The following CCSER1 variants were observed in gnomAD, a reference collection of about 807,000 sequenced individuals.
CCSER1 encodes the protein coiled-coil serine rich protein 1.
A neutral mutation model predicts 82.0 loss-of-function variants in CCSER1; 41 were observed. That is an observed-to-expected ratio of 0.50 (90% CI 0.39 to 0.65). The LOEUF (loss-of-function observed/expected upper bound fraction) is 0.65, where lower values mean the gene tolerates loss of function less well. CCSER1 is among the 30% of genes least tolerant of loss of function. The pLI is 0.00. For missense variants in CCSER1, 1,119 were observed against 1,064.2 expected, an observed-to-expected ratio of 1.05 and a Z score of -0.72; for synonymous variants, 414 against 383.9, an observed-to-expected ratio of 1.08 and a Z score of -0.92.
intron 3 of CCSER1, among the ~76,000 whole-genome samples, chr4:90,348,871 A>C (rs770278492): frequency 2.0e-5 from 3 of 152,142 alleles, no homozygotes; most frequent in Non-Finnish European, 4.4e-5. Context: ...CATTTTAACT[A>C]TCTGGAATGT....
chr4:90,449,942 G>T (rs918612963), intron 4 of CCSER1, among the ~76,000 whole-genome samples: 1 of 152,196 alleles, frequency 6.6e-6, no homozygotes, highest in African/African-American at 2.4e-5. Context: ...TCCATGGAGT[G>T]TACAGCCCTG....
chr4:90,223,029 A>G (rs1169296530), intron 1 of CCSER1, among the ~76,000 whole-genome samples: 1 of 152,198 alleles, frequency 6.6e-6, no homozygotes, highest in Non-Finnish European at 1.5e-5. Context: ...TCACGCATCC[A>G]TCACCACAGT....
intron 10 of CCSER1, among the ~76,000 whole-genome samples, chr4:91,297,433 CAG>C (rs1744304263): frequency 7.7e-6 from 1 of 130,146 alleles, no homozygotes; most frequent in Non-Finnish European, 1.7e-5. Flanking sequence ...GTTAGGGAGA[CAG>C]ATGTGGATAA....
At chr4:91,310,046 C>T (rs1231359294) in intron 10 of CCSER1, among the ~76,000 whole-genome samples, 1 of 151,918 alleles carries the variant, frequency 6.6e-6, no homozygotes, top group Non-Finnish European at 1.5e-5. Context: ...TTCCAATCCT[C>T]ACAATCTCCT....
rs192578909 is a variant in CCSER1, at chr4:91,535,887, G to A, written c.2218-62685G>A. 2.2e-3 allele frequency among the ~76,000 whole-genome samples: 342 copies of A among 152,118 alleles called. 1 individual carries two copies. The highest frequency in any genetic ancestry group is 0.014 in the Middle Eastern group (4 of 294). ...TACAGGGTACTTATAAAGTAAGCAA[G>A]ACCACATTAATCTAAAAGCATACTT... On this transcript the variant is annotated intron_variant, in intron 10 of 10. Coordinates refer to ENST00000509176, the MANE Select transcript of CCSER1 (RefSeq NM_001145065.2).
chr4:91,598,978 T>C lies in CCSER1; in HGVS notation c.2624T>C (p.Met875Thr), dbSNP rs1406277358. 1 of 1,551,410 alleles carries C rather than the reference T, an allele frequency of 6.4e-7. No individual in the cohort carries two copies. Among genetic ancestry groups the C allele is most frequent in the Non-Finnish European group, 8.7e-7 (1 of 1,146,904 alleles). ...QPPRGPISLH[M>T]YSRKNVFLHH... ...CCCAGAGGGCCAATCTCTTTACACA[T>C]GTACAGCAGGAAGAATGTGTTTCTC... is the stretch of plus-strand genomic sequence containing the variant. The change falls in exon 11 of 11, where the codon ATG becomes ACG. Residue 875 changes from methionine (M) to threonine (T), a missense_variant. Met to Thr is a moderately conservative substitution (Grantham distance 81, BLOSUM62 -1). Transcript: ENST00000509176.
chr4:90,619,805 A>G (rs1327023925), intron 5 of CCSER1, among the ~76,000 whole-genome samples: 3 of 152,068 alleles, frequency 2.0e-5, no homozygotes, highest in Non-Finnish European at 4.4e-5. Flanking sequence ...TTTTTTGTTC[A>G]ACCTGATTGT....
At chr4:90,766,988 G>A (rs1035702411) in intron 7 of CCSER1, among the ~76,000 whole-genome samples, 1 of 152,024 alleles carries the variant, frequency 6.6e-6, no homozygotes, top group African/African-American at 2.4e-5. Context: ...CCTGTCTTAT[G>A]TGAATGTACT....
At chr4:91,316,169 G>T (rs1445699552) in intron 10 of CCSER1, among the ~76,000 whole-genome samples, 1 of 151,900 alleles carries the variant, frequency 6.6e-6, no homozygotes, top group Non-Finnish European at 1.5e-5. Context: ...AAGTGTGAGT[G>T]CATTAAATAT....
intron 1 of CCSER1, among the ~76,000 whole-genome samples, chr4:90,303,458 G>A (rs917804683): frequency 6.6e-6 from 1 of 152,040 alleles, no homozygotes; most frequent in Non-Finnish European, 1.5e-5. Flanking sequence ...CACAGATATA[G>A]ATCAATGGAA....
At chr4:90,217,099 G>A (rs867536723) in intron 1 of CCSER1, among the ~76,000 whole-genome samples, 2 of 152,154 alleles carry the variant, frequency 1.3e-5, no homozygotes, top group East Asian at 3.9e-4. Flanking sequence ...TTGGTGTATA[G>A]CAGTGCTACT....
At chr4:91,194,294 A>G (rs1384268531) in intron 10 of CCSER1, among the ~76,000 whole-genome samples, 1 of 152,198 alleles carries the variant, frequency 6.6e-6, no homozygotes, top group Non-Finnish European at 1.5e-5. Context: ...CTCTAAATCA[A>G]TTTATACAGT....
At chr4:91,216,513 G>C (rs1431119492) in intron 10 of CCSER1, among the ~76,000 whole-genome samples, 1 of 151,982 alleles carries the variant, frequency 6.6e-6, no homozygotes, top group East Asian at 1.9e-4. Context: ...GTAGAGACGG[G>C]GTTTCACCGT....
rs1729443489 is a variant in CCSER1, at chr4:91,145,414, C to T, written c.2217+59420C>T. The stretch of plus-strand genomic sequence containing the variant: ...AGGTCTTGTTTTCTTTCCAGCTTGT[C>T]ACTCTGCCTTTTAAGTAGGGTGTTT... On this transcript the variant is annotated intron_variant, in intron 10 of 10. Transcript: ENST00000509176. 2.0e-5 allele frequency among the ~76,000 whole-genome samples: 3 copies of T among 152,224 alleles called. No homozygotes were observed. In the South Asian group the frequency reaches 6.2e-4, roughly 32 times the overall value.
chr4:91,563,818 T>TTTAGATTG (rs1278425940), intron 10 of CCSER1, among the ~76,000 whole-genome samples: 4 of 151,756 alleles, frequency 2.6e-5, no homozygotes, highest in African/African-American at 9.7e-5. Context: ...ACCAAAAACC[T>TTTAGATTG]GTTGGAACTA....
At chr4:91,371,198 A>G (rs1750019210) in intron 10 of CCSER1, among the ~76,000 whole-genome samples, 1 of 152,028 alleles carries the variant, frequency 6.6e-6, no homozygotes, top group African/African-American at 2.4e-5. Context: ...ATAAATTATT[A>G]TTGACTGTAA....
At chr4:91,153,578 A>C (rs1237141260) in intron 10 of CCSER1, among the ~76,000 whole-genome samples, 1 of 151,270 alleles carries the variant, frequency 6.6e-6, no homozygotes. Flanking sequence ...CATTCCTTTG[A>C]AGGCACTCTG....
At chr4:91,241,706 T>C (rs1739383400) in intron 10 of CCSER1, among the ~76,000 whole-genome samples, 1 of 152,200 alleles carries the variant, frequency 6.6e-6, no homozygotes, top group African/African-American at 2.4e-5. Context: ...TTAATATCCA[T>C]AATCTGTCAC....
At chr4:90,521,361 G>A (rs1375316735) in intron 5 of CCSER1, among the ~76,000 whole-genome samples, 1 of 152,158 alleles carries the variant, frequency 6.6e-6, no homozygotes, top group Non-Finnish European at 1.5e-5. Flanking sequence ...AGGGTAGGTA[G>A]AGTAAGCATT....
Sources: gnomAD v4.1 joint callset for allele counts (sites outside exome capture counted in the v4.1 genomes callset) on GRCh38, gnomAD v4.1.1 for gene constraint, MANE v1.5 for transcripts, NCBI Gene and HGNC (gene_info 2026-07-23, HGNC 2026-07-21) for gene names.